Variants in NUS1 observed in about 807,000 individuals in gnomAD.
The protein encoded by NUS1 is NUS1 dehydrodolichyl diphosphate synthase subunit.
For missense variants in NUS1, 292 were observed against 382.9 expected, an observed-to-expected ratio of 0.76 and a Z score of 1.98; for synonymous variants, 135 against 155.2, an observed-to-expected ratio of 0.87 and a Z score of 0.97.
At chr6:117,690,464 A>G (rs183461004) in intron 1 of NUS1, among the ~76,000 whole-genome samples, 4 of 152,318 alleles carry the variant, frequency 2.6e-5, no homozygotes, top group Admixed American at 1.3e-4. Flanking sequence ...TTCTTTCAGC[A>G]GACATTTATT....
chr6:117,701,375 G>A (rs1773406897), intron 3 of NUS1, among the ~76,000 whole-genome samples: 1 of 151,598 alleles, frequency 6.6e-6, no homozygotes, highest in Admixed American at 6.6e-5. Flanking sequence ...CTCCCGAGTA[G>A]CTGGGACTAC....
At chr6:117,682,759 C>G (rs1313332679) in intron 1 of NUS1, among the ~76,000 whole-genome samples, 1 of 152,144 alleles carries the variant, frequency 6.6e-6, no homozygotes, top group African/African-American at 2.4e-5. Context: ...AGGAGCAGAT[C>G]TAGAATTTGA....
intron 1 of NUS1, among the ~76,000 whole-genome samples, chr6:117,685,835 C>G (rs973226701): frequency 1.3e-5 from 2 of 152,084 alleles, no homozygotes; most frequent in African/African-American, 4.8e-5. Context: ...GTGAAACCTC[C>G]TTAAAAGCCT....
intron 1 of NUS1, among the ~76,000 whole-genome samples, chr6:117,685,048 C>G (rs1773116598): frequency 6.6e-6 from 1 of 152,098 alleles, no homozygotes; most frequent in Non-Finnish European, 1.5e-5. Context: ...GGAACATTCC[C>G]TTATTATCTA....
intron 3 of NUS1, among the ~76,000 whole-genome samples, chr6:117,700,177 A>G (rs918860932): frequency 2.6e-5 from 4 of 152,208 alleles, no homozygotes; most frequent in Admixed American, 2.0e-4. Flanking sequence ...CTGCACAGCA[A>G]AGGAAACAAT....
At chr6:117,682,151 A>T (rs1036909052) in intron 1 of NUS1, among the ~76,000 whole-genome samples, 33 of 151,978 alleles carry the variant, frequency 2.2e-4, no homozygotes, top group Middle Eastern at 3.4e-3. Context: ...TTGTAAGTTC[A>T]TCCTAACTAT....
intron 4 of NUS1, among the ~76,000 whole-genome samples, chr6:117,706,189 G>A (rs1243266407): frequency 6.6e-6 from 1 of 152,160 alleles, no homozygotes; most frequent in African/African-American, 2.4e-5. Context: ...CTCTGATTGT[G>A]TATTCAGTCT....
chr6:117,693,295 A>C (rs1582471161), intron 2 of NUS1, 128 bp downstream of exon 2: 12 of 1,015,908 alleles, frequency 1.2e-5, no homozygotes, highest in Non-Finnish European at 1.8e-5. Flanking sequence ...CAACATCTTT[A>C]ATCATCAGAT....
intron 1 of NUS1, among the ~76,000 whole-genome samples, chr6:117,689,458 T>C (rs1260561747): frequency 6.6e-6 from 1 of 152,202 alleles, no homozygotes; most frequent in Non-Finnish European, 1.5e-5. Flanking sequence ...TAAATCTTAG[T>C]TTTTATGGGA....
At chr6:117,705,555 T>C (rs775698614) in intron 4 of NUS1, among the ~76,000 whole-genome samples, 1 of 152,186 alleles carries the variant, frequency 6.6e-6, no homozygotes, top group Non-Finnish European at 1.5e-5. Context: ...TGAGGTTTGC[T>C]TTGTATTTGT....
chr6:117,678,204 AAGGGCTT>A (rs1281365780), intron 1 of NUS1, among the ~76,000 whole-genome samples: 1 of 152,248 alleles, frequency 6.6e-6, no homozygotes, highest in Admixed American at 6.5e-5. Context: ...TTTTCAGTGA[AAGGGCTT>A]ACAGGATTTT....
chr6:117,706,398 T>C (rs1339868443), intron 4 of NUS1, among the ~76,000 whole-genome samples: 2 of 152,218 alleles, frequency 1.3e-5, no homozygotes, highest in South Asian at 2.1e-4. Flanking sequence ...GGAGAAATTC[T>C]TTAATGGATT....
rs527935905 is a variant in NUS1 at position 117,686,825 on chromosome 6, A to G, written c.416-6217A>G. ...AGTCAAAGCCAACCTTATGTCTTGT[A>G]TTTCTTGTGTATCATGTGAAGTGTG... On this transcript the variant is annotated intron_variant, in intron 1 of 4. Coordinates refer to ENST00000368494, the MANE Select transcript of NUS1 (RefSeq NM_138459.5). Among the ~76,000 whole-genome samples, 425 of 144,790 alleles carry G rather than the reference A, an allele frequency of 2.9e-3. 2 individuals are homozygous for G. The highest frequency in any genetic ancestry group is 0.01 in the African/African-American group (405 of 38,748). 95.0% of individuals were successfully genotyped at this position (144,790 alleles called of 152,430 possible).
At chr6:117,677,816 T>C (rs1220072430) in intron 1 of NUS1, among the ~76,000 whole-genome samples, 1 of 152,170 alleles carries the variant, frequency 6.6e-6, no homozygotes, top group Non-Finnish European at 1.5e-5. Context: ...TGTTAGGAGA[T>C]GACACAATCC....
intron 1 of NUS1, among the ~76,000 whole-genome samples, chr6:117,678,275 A>G (rs748317136): frequency 2.0e-5 from 3 of 152,200 alleles, no homozygotes; most frequent in Non-Finnish European, 2.9e-5. Context: ...AAGAATAAGA[A>G]ATATTCCTGA....
At chr6:117,693,454 A>G (rs2114687007) in intron 2 of NUS1, among the ~76,000 whole-genome samples, 1 of 152,306 alleles carries the variant, frequency 6.6e-6, no homozygotes, top group South Asian at 2.1e-4. Flanking sequence ...ATAGAGGTAC[A>G]ACTGGTTGTT....
intron 2 of NUS1, among the ~76,000 whole-genome samples, chr6:117,693,402 T>A (rs945288024): frequency 9.9e-5 from 15 of 152,188 alleles, no homozygotes; most frequent in Non-Finnish European, 1.5e-5. Flanking sequence ...AGAGAATCCA[T>A]AGAATGGACA....
At chr6:117,698,212 A>G (rs1031344547) in intron 3 of NUS1, among the ~76,000 whole-genome samples, 1 of 152,060 alleles carries the variant, frequency 6.6e-6, no homozygotes, top group African/African-American at 2.4e-5. Flanking sequence ...TTGAAATGAA[A>G]AAGTCTATAC....
In NUS1 at chr6:117,702,595, C is replaced by G. The variant is rs182211042; in HGVS notation, c.692-1010C>G. ...AAGATTTGCCACCCTCTTTACATCA[C>G]TATTGGTTTGGAGTTCCTTCTTGTC... On this transcript the variant is annotated intron_variant, in intron 3 of 4. Transcript: ENST00000368494. 4.6e-5 allele frequency among the ~76,000 whole-genome samples: 7 copies of G among 152,196 alleles called. No homozygotes were observed. In the East Asian group the frequency reaches 1.2e-3, roughly 25 times the overall value.
Sources: gnomAD v4.1 joint callset for allele counts (sites outside exome capture counted in the v4.1 genomes callset) on GRCh38, gnomAD v4.1.1 for gene constraint, MANE v1.5 for transcripts, NCBI Gene and HGNC (gene_info 2026-07-23, HGNC 2026-07-21) for gene names.